Variants in CHORDC1 observed in about 807,000 individuals in gnomAD.
CHORDC1 encodes the protein cysteine and histidine-rich domain-containing protein 1.
A neutral mutation model predicts 48.3 loss-of-function variants in CHORDC1; 25 were observed. The observed-to-expected ratio is 0.52, with a 90% CI of 0.38 to 0.72. The LOEUF (loss-of-function observed/expected upper bound fraction) is 0.72, where lower values mean the gene tolerates loss of function less well. CHORDC1 is among the 30% of genes least tolerant of loss of function. CHORDC1 has a pLI of 0.00. For missense variants in CHORDC1, 317 were observed against 388.7 expected (o/e 0.82, Z 1.55); for synonymous variants, 128 against 126.4 (o/e 1.01, Z -0.09).
chr11:90,217,450 A>C (rs1420001566), intron 2 of CHORDC1, among the ~76,000 whole-genome samples: 1 of 152,194 alleles, frequency 6.6e-6, no homozygotes, highest in Non-Finnish European at 1.5e-5. Flanking sequence ...AGAACATCCA[A>C]GAAGTATAGC....
At chr11:90,213,777 A>G in intron 4 of CHORDC1, 1 of 469,930 alleles carries the variant, frequency 2.1e-6, no homozygotes. Flanking sequence ...CTGATGATAC[A>G]TGTCCCTGTA....
chr11:90,207,945 A>C (rs1336913420), intron 6 of CHORDC1: 1 of 152,122 alleles, frequency 6.6e-6, no homozygotes. Context: ...CCAAAATCTC[A>C]AATGCTCCAA....
At chr11:90,222,339 TAC>T (rs1211906757) in intron 1 of CHORDC1, among the ~76,000 whole-genome samples, 1 of 152,228 alleles carries the variant, frequency 6.6e-6, no homozygotes, top group Non-Finnish European at 1.5e-5. Context: ...AGCGTGAAGA[TAC>T]AGAGTAATGT....
At chr11:90,216,011 TGC>T (rs1858004088) in intron 2 of CHORDC1, among the ~76,000 whole-genome samples, 1 of 152,120 alleles carries the variant, frequency 6.6e-6, no homozygotes, top group Non-Finnish European at 1.5e-5. Flanking sequence ...TCTCATTATA[TGC>T]ACCTGTAGGT....
Position 90,201,765 on chromosome 11 carries a change from A to ATT in CHORDC1, c.*638_*639dup, listed in dbSNP as rs1282924207. 1 of 152,426 alleles carries ATT rather than the reference A, an allele frequency of 6.6e-6. No homozygotes were observed. Among genetic ancestry groups the ATT allele is most frequent in the Non-Finnish European group, 1.5e-5 (1 of 67,904 alleles). The allele number at this position is 152,426 out of a possible 1,614,324, so 9.4% of individuals were successfully genotyped here. A position where few individuals can be genotyped will look rare whatever the true frequency, so the allele number is the denominator to read the frequency against. On this transcript the variant is annotated 3_prime_UTR_variant, in exon 11 of 11. Transcript: ENST00000320585. ...ACCAAATTGATACCTCTGTAATCTT[A>ATT]TTTATGTTTCCTATAACATCATACT... is the stretch of plus-strand genomic sequence containing the variant.
chr11:90,222,744 C>G, intron 1 of CHORDC1, 147 bp downstream of exon 1: 1 of 771,460 alleles, frequency 1.3e-6, no homozygotes, highest in Non-Finnish European at 2.3e-6. Flanking sequence ...GCGGGCTGCG[C>G]GGGCAGCCAA....
intron 1 of CHORDC1, chr11:90,222,598 G>A (rs546201402): frequency 1.3e-4 from 80 of 632,876 alleles, no homozygotes; most frequent in Non-Finnish European, 2.3e-4. Flanking sequence ...AATTCCAGGC[G>A]ACTTAAAAGG....
rs940837913 is a variant in CHORDC1 at position 90,219,226 on chromosome 11, C to T, written c.65-1042G>A. 7.9e-5 allele frequency among the ~76,000 whole-genome samples: 12 copies of T among 151,976 alleles called. No homozygotes were observed. In the South Asian group the frequency reaches 8.3e-4, roughly 11 times the overall value. On this transcript the variant is annotated intron_variant, in intron 1 of 10. Transcript: ENST00000320585. ...TTGCAGTGAGTCAAGATCATGCCAC[C>T]GCACTACAGCCTAGGTGACAGAGCA... is the stretch of plus-strand genomic sequence containing the variant.
intron 6 of CHORDC1, among the ~76,000 whole-genome samples, chr11:90,209,758 T>C (rs548870326): frequency 6.6e-6 from 1 of 152,316 alleles, no homozygotes; most frequent in South Asian, 2.1e-4. Flanking sequence ...CCAATCCCAC[T>C]GTCTGGTCTT....
chr11:90,206,952 T>C, intron 6 of CHORDC1: 1 of 368,528 alleles, frequency 2.7e-6, no homozygotes, highest in Non-Finnish European at 5.2e-6. Flanking sequence ...AAGTACAGTA[T>C]TAGATGTGTA....
At position 90,202,060 on chromosome 11, in the gene CHORDC1, CA is replaced by C. The variant is rs1359681447; in HGVS notation, c.*344del. Reference sequence around the variant, plus strand: ...TTGCTTTACTAATTATGGAATAATACAAAAACATAAAAAAAATGTTCCTTAA... The same window carrying C: ...TTGCTTTACTAATTATGGAATAATACAAAACATAAAAAAAATGTTCCTTAA... On this transcript the variant is annotated 3_prime_UTR_variant, in exon 11 of 11. Transcript: ENST00000320585. 1 of 170,384 alleles carries C rather than the reference CA, an allele frequency of 5.9e-6. No homozygotes were observed. The highest frequency in any genetic ancestry group is 1.2e-5 in the Non-Finnish European group (1 of 80,554). 10.6% of individuals were successfully genotyped at this position (170,384 alleles called of 1,614,324 possible). A position where few individuals can be genotyped will look rare whatever the true frequency, so the allele number is the denominator to read the frequency against.
Position 90,202,312 on chromosome 11 carries a change from A to G in CHORDC1, c.*93T>C, listed in dbSNP as rs1204510950. The G allele has an allele frequency of 1.6e-6, 2 of 1,252,106 alleles. No individual in the cohort carries two copies. The highest frequency in any genetic ancestry group is 3.0e-5 in the African/African-American group (2 of 67,236). 77.6% of individuals were successfully genotyped at this position (1,252,106 alleles called of 1,614,324 possible). A position where few individuals can be genotyped will look rare whatever the true frequency, so the allele number is the denominator to read the frequency against. ...CCTGAAATGCCACATTCAGTAACAC[A>G]ACAACAAAACAAAAGATTACAGCAG... On this transcript the variant is annotated 3_prime_UTR_variant, in exon 11 of 11. Coordinates refer to ENST00000320585, the MANE Select transcript of CHORDC1 (RefSeq NM_012124.3).
rs750976770 is a variant in CHORDC1 at position 90,222,716 on chromosome 11, G to A, written c.64+175C>T. Reference sequence around the variant, plus strand: ...CGGGCGCTCGCCAAGGGAACGCGGCGCAACAGAGGGGCGGCCGGCGGGCTG... The same window carrying A: ...CGGGCGCTCGCCAAGGGAACGCGGCACAACAGAGGGGCGGCCGGCGGGCTG... On this transcript the variant is annotated intron_variant, in intron 1 of 10. Transcript: ENST00000320585. 1.1e-5 allele frequency: 8 copies of A among 717,554 alleles called. No individual in the cohort carries two copies. In the African/African-American group the frequency reaches 1.2e-4, roughly 11 times the overall value. 44.4% of individuals were successfully genotyped at this position (717,554 alleles called of 1,614,324 possible). A position where few individuals can be genotyped will look rare whatever the true frequency, so the allele number is the denominator to read the frequency against.
Position 90,200,877 on chromosome 11 carries a change from G to A in CHORDC1, c.*1528C>T, listed in dbSNP as rs543468671. ...CCATAAAGACTTCATGTCTCTAAATGGTTCCTAAATCATGGAAGATAACTT... is the reference window on the plus strand; with the variant it reads ...CCATAAAGACTTCATGTCTCTAAATAGTTCCTAAATCATGGAAGATAACTT... On this transcript the variant is annotated 3_prime_UTR_variant, in exon 11 of 11. Transcript: ENST00000320585. Among the ~76,000 whole-genome samples the A allele has an allele frequency of 1.3e-5, 2 of 151,812 alleles. No individual in the cohort carries two copies. Among genetic ancestry groups the A allele is most frequent in the African/African-American group, 4.8e-5 (2 of 41,374 alleles).
At chr11:90,210,883 T>C (rs1857841437) in intron 5 of CHORDC1, 1 of 357,238 alleles carries the variant, frequency 2.8e-6, no homozygotes, top group African/African-American at 2.1e-5. Flanking sequence ...GTACCAGGTA[T>C]AAAGTCAGAG....
Position 90,218,168 on chromosome 11 carries a change from G to A in CHORDC1, c.81C>T (p.His27=), listed in dbSNP as rs141774368. 7 of 1,574,946 alleles carry A rather than the reference G, an allele frequency of 4.4e-6. No individual in the cohort carries two copies. The African/African-American group carries it at 9.8e-5, about 22-fold the overall frequency. Residue 27 remains histidine (H), a synonymous_variant, in exon 2 of 11, where the codon CAC becomes CAT. Coordinates refer to ENST00000320585, the MANE Select transcript of CHORDC1 (RefSeq NM_012124.3). The part of the protein sequence containing the change: ...ETNSDDACTY[H]PGVPVFHDAL... ...CATCGTGAAAGACCGGAACACCTGG[G>A]TGGTATGTGCAAGCATCTGGAGAAA...
Position 90,206,217 on chromosome 11 carries a change from G to C in CHORDC1, c.548C>G (p.Pro183Arg). The part of the protein sequence containing the change: ...EEVCVYHSGV[P>R]IFHEGMKYWS... Reference sequence around the variant, plus strand: ...CATAAGTTACCCCTCATGGAAAATAGGTACTCCAGAATGATATACACAGAC... The same window carrying C: ...CATAAGTTACCCCTCATGGAAAATACGTACTCCAGAATGATATACACAGAC... Residue 183 changes from proline to arginine, a missense_variant, in exon 7 of 11, where the codon CCT becomes CGT. Transcript: ENST00000320585. 6.4e-7 allele frequency: 1 copy of C among 1,555,074 alleles called. No individual in the cohort carries two copies. The highest frequency in any genetic ancestry group is 8.9e-7 in the Non-Finnish European group (1 of 1,126,788).
chr11:90,208,944 C>T (rs1857781096), intron 6 of CHORDC1: 1 of 152,202 alleles, frequency 6.6e-6, no homozygotes. Flanking sequence ...CTATTAATCT[C>T]AATTCCACAG....
chr11:90,215,913 TAAATTCAG>T (rs536478535), intron 2 of CHORDC1, among the ~76,000 whole-genome samples: 116 of 152,230 alleles, frequency 7.6e-4, no homozygotes, highest in African/African-American at 2.6e-3. Context: ...GATTTGGGAC[TAAATTCAG>T]ATTAAGATGC....
Sources: allele counts gnomAD v4.1 joint callset (sites outside exome capture counted in the v4.1 genomes callset), GRCh38; gene constraint gnomAD v4.1.1; transcripts MANE v1.5; gene names NCBI Gene and HGNC (gene_info 2026-07-23, HGNC 2026-07-21).